Variants in ANKUB1 observed in about 807,000 individuals in gnomAD.
The protein encoded by ANKUB1 is protein ANKUB1.
Under a neutral mutation model 49.3 loss-of-function variants are expected in ANKUB1, and 42 were observed. The observed-to-expected ratio is 0.85, with a 90% CI of 0.67 to 1.10. ANKUB1 has a LOEUF of 1.10. Ranked by LOEUF, ANKUB1 falls within the 50% of genes least tolerant of loss-of-function variation. The pLI is 0.00. For missense variants in ANKUB1, 613 were observed against 642.0 expected (o/e 0.95, Z 0.49); for synonymous variants, 222 against 231.0 (o/e 0.96, Z 0.35).
At chr3:149,768,487 CAA>C (rs762978344) in intron 4 of ANKUB1, among the ~76,000 whole-genome samples, 8 of 152,156 alleles carry the variant, frequency 5.3e-5, no homozygotes, top group Non-Finnish European at 1.0e-4. Context: ...TAAATTGTTA[CAA>C]TTCAATACCC....
chr3:149,790,533 C>A (rs751415969), intron 2 of ANKUB1, among the ~76,000 whole-genome samples: 1 of 152,064 alleles, frequency 6.6e-6, no homozygotes, highest in Non-Finnish European at 1.5e-5. Context: ...CAGGACTGGG[C>A]AGGCAATAAA....
intron 4 of ANKUB1, among the ~76,000 whole-genome samples, chr3:149,768,571 TTG>T (rs1717176805): frequency 7.0e-6 from 1 of 142,388 alleles, no homozygotes; most frequent in African/African-American, 2.5e-5. Flanking sequence ...AGACAGAGTC[TTG>T]CTCTGTTGCT....
intron 4 of ANKUB1, among the ~76,000 whole-genome samples, chr3:149,770,172 G>T (rs988696516): frequency 4.6e-5 from 7 of 152,004 alleles, no homozygotes; most frequent in African/African-American, 1.7e-4. Context: ...TATACACAAC[G>T]TGTTAATTGA....
At chr3:149,787,446 T>G (rs1273808333) in intron 2 of ANKUB1, among the ~76,000 whole-genome samples, 1 of 152,218 alleles carries the variant, frequency 6.6e-6, no homozygotes, top group African/African-American at 2.4e-5. Context: ...CTGAAGTTGC[T>G]TATTAGCTTA....
At position 149,790,964 on chromosome 3, in the gene ANKUB1, T is replaced by C. The variant is rs986040439; in HGVS notation, c.91-40A>G. 8 of 1,528,590 alleles carry C rather than the reference T, an allele frequency of 5.2e-6. No individual in the cohort carries two copies. The African/African-American group carries it at 1.1e-4, about 21-fold the overall frequency. 94.7% of individuals were successfully genotyped at this position (1,528,590 alleles called of 1,614,324 possible). On this transcript the variant is annotated intron_variant, in intron 1 of 5. Coordinates refer to ENST00000446160, the MANE Select transcript of ANKUB1 (RefSeq NM_001144960.3). ...GCATATTATGAAAACAGTACATCCT[T>C]ACGTTACTAGACCAGAAATGTACTC...
chr3:149,765,548 G>GCACA (rs59155543), intron 5 of ANKUB1, among the ~76,000 whole-genome samples: 70 of 147,628 alleles, frequency 4.7e-4, no homozygotes, highest in African/African-American at 1.4e-3. Context: ...ACACACACAT[G>GCACA]CACACACACA....
chr3:149,767,562 T>C lies in ANKUB1; in HGVS notation c.1100A>G (p.Asn367Ser). ...MTSKSWHKAG[N>S]SDSQSIVLKL... ...GAGCACGATGCTTTGTGAGTCGCTGTTCCCAGCCTTATGCCAGCTCTTGGA... is the reference window on the plus strand; with the variant it reads ...GAGCACGATGCTTTGTGAGTCGCTGCTCCCAGCCTTATGCCAGCTCTTGGA... The change falls in exon 5 of 6, where the codon AAC (asparagine) becomes AGC (serine). Residue 367 changes from asparagine (N) to serine (S), a missense_variant. By Grantham distance (46) the Asn-to-Ser change is conservative. Coordinates refer to ENST00000446160, the MANE Select transcript of ANKUB1 (RefSeq NM_001144960.3). The C allele has an allele frequency of 6.4e-7, 1 of 1,551,716 alleles. No homozygotes were observed.
In ANKUB1 at chr3:149,772,359, C is replaced by A. The variant is rs192835307; in HGVS notation, c.452-1685G>T. Among the ~76,000 whole-genome samples the A allele has an allele frequency of 8.1e-4, 124 of 152,256 alleles. 1 individual carries two copies. The highest frequency in any genetic ancestry group is 6.6e-3 in the Admixed American group (101 of 15,298). ...TTCATGTCCTACATCTAAACGGTTG[C>A]TTAGGCCTGACAGGTTTACCTGATC... On this transcript the variant is annotated intron_variant, in intron 3 of 5. Transcript: ENST00000446160.
At chr3:149,771,098 C>T (rs1717339153) in intron 3 of ANKUB1, among the ~76,000 whole-genome samples, 1 of 152,214 alleles carries the variant, frequency 6.6e-6, no homozygotes. Context: ...AAGATGCTCA[C>T]CAGCTAATTT....
chr3:149,779,239 A>C (rs1459445969), intron 3 of ANKUB1: 1 of 147,444 alleles, frequency 6.8e-6, no homozygotes, highest in Non-Finnish European at 1.5e-5. Flanking sequence ...CAGTGGTGTG[A>C]TCATAGCTCA....
chr3:149,774,849 C>T (rs1162051935), intron 3 of ANKUB1, among the ~76,000 whole-genome samples: 1 of 152,148 alleles, frequency 6.6e-6, no homozygotes, highest in Non-Finnish European at 1.5e-5. Flanking sequence ...ATGTTAAATT[C>T]CTTCATAAGC....
At chr3:149,777,216 G>T (rs527695962) in intron 3 of ANKUB1, among the ~76,000 whole-genome samples, 1 of 152,134 alleles carries the variant, frequency 6.6e-6, no homozygotes, top group South Asian at 2.1e-4. Flanking sequence ...GCTCACGCCT[G>T]TAATCCCAGC....
In ANKUB1 at chr3:149,761,212, C is replaced by T. The variant is rs1000179838; in HGVS notation, c.*272G>A. On this transcript the variant is annotated 3_prime_UTR_variant, in exon 6 of 6. Coordinates refer to ENST00000446160, the MANE Select transcript of ANKUB1 (RefSeq NM_001144960.3). ...TAAAAATTCCCACTTCCTTGTTTTC[C>T]ATTGTCTCAGCTCCCCTACCCTGTG... is the stretch of plus-strand genomic sequence containing the variant. The T allele has an allele frequency of 2.0e-5, 5 of 246,608 alleles. No homozygotes were observed. Among genetic ancestry groups the T allele is most frequent in the Admixed American group, 5.4e-5 (1 of 18,462 alleles). The allele number at this position is 246,608 out of a possible 1,614,324, so 15.3% of individuals were successfully genotyped here. A position where few individuals can be genotyped will look rare whatever the true frequency, so the allele number is the denominator to read the frequency against.
At position 149,770,611 on chromosome 3, in the gene ANKUB1, C is replaced by G. The variant is rs1717308585; in HGVS notation, c.515G>C (p.Gly172Ala). 1 of 1,550,076 alleles carries G rather than the reference C, an allele frequency of 6.5e-7. No homozygotes were observed. The highest frequency in any genetic ancestry group is 8.7e-7 in the Non-Finnish European group (1 of 1,146,380). Residue 172 changes from glycine to alanine, a missense_variant, in exon 4 of 6, where the codon GGA becomes GCA. Physicochemically the swap from Gly to Ala is moderately conservative, Grantham distance 60. Coordinates refer to ENST00000446160, the MANE Select transcript of ANKUB1 (RefSeq NM_001144960.3). ...WKEFLMGCLL[G>A]QKLKVQRYLS... is the part of the protein sequence containing the mutation. ...GTAGCGTTGGACTTTAAGTTTTTGTCCAAGGAGACAACCCATCAGAAATTC... is the reference window on the plus strand; with the variant it reads ...GTAGCGTTGGACTTTAAGTTTTTGTGCAAGGAGACAACCCATCAGAAATTC...
chr3:149,770,622 A>G lies in ANKUB1; in HGVS notation c.504T>C (p.Gly168=), dbSNP rs1343168195. 1.3e-6 allele frequency: 2 copies of G among 1,550,188 alleles called. No individual in the cohort carries two copies. Among genetic ancestry groups the G allele is most frequent in the Admixed American group, 2.0e-5 (1 of 50,738 alleles). The part of the protein sequence containing the change: ...VWDGWKEFLM[G]CLLGQKLKVQ... ...CTTTAAGTTTTTGTCCAAGGAGACAACCCATCAGAAATTCCTTCCATCCAT... is the reference window on the plus strand; with the variant it reads ...CTTTAAGTTTTTGTCCAAGGAGACAGCCCATCAGAAATTCCTTCCATCCAT... Residue 168 remains glycine (G), a synonymous_variant, in exon 4 of 6, where the codon GGT becomes GGC. Coordinates refer to ENST00000446160, the MANE Select transcript of ANKUB1 (RefSeq NM_001144960.3).
Position 149,792,425 on chromosome 3 carries a change from G to T in ANKUB1, c.-59C>A. The T allele has an allele frequency of 3.0e-6, 4 of 1,337,184 alleles. No individual in the cohort carries two copies. Among genetic ancestry groups the T allele is most frequent in the Non-Finnish European group, 4.0e-6 (4 of 1,005,300 alleles). 82.8% of individuals were successfully genotyped at this position (1,337,184 alleles called of 1,614,324 possible). ...ACTTTTTCAAAGATTCTCCTGGATG[G>T]CTAGAAAAATTCCGGTTCACAATTA... On this transcript the variant is annotated 5_prime_UTR_variant, in exon 1 of 6. Transcript: ENST00000446160.
Position 149,780,260 on chromosome 3 carries a change from T to G in ANKUB1, c.430A>C (p.Lys144Gln). 1 of 1,551,730 alleles carries G rather than the reference T, an allele frequency of 6.4e-7. No individual in the cohort carries two copies. The highest frequency in any genetic ancestry group is 8.7e-7 in the Non-Finnish European group (1 of 1,146,994). ...GLEMYDCNTL[K>Q]DYQTDIGTTL... Reference sequence around the variant, plus strand: ...GTACCAATATCAGTCTGGTAGTCCTTGAGGGTGTTGCAATCATACATCTCC... The same window carrying G: ...GTACCAATATCAGTCTGGTAGTCCTGGAGGGTGTTGCAATCATACATCTCC... The change falls in exon 3 of 6, where the codon AAG (lysine) becomes CAG (glutamine). Residue 144 changes from lysine to glutamine, a missense_variant. Lys to Gln is a moderately conservative substitution (Grantham distance 53). Coordinates refer to ENST00000446160, the MANE Select transcript of ANKUB1 (RefSeq NM_001144960.3).
intron 5 of ANKUB1, among the ~76,000 whole-genome samples, chr3:149,762,754 A>G (rs1576664860): frequency 6.6e-6 from 1 of 152,222 alleles, no homozygotes; most frequent in East Asian, 1.9e-4. Context: ...TGGAAGGGGG[A>G]ATAAGAAGCA....
intron 3 of ANKUB1, among the ~76,000 whole-genome samples, chr3:149,774,015 G>A (rs947793742): frequency 1.3e-5 from 2 of 152,096 alleles, no homozygotes; most frequent in Non-Finnish European, 2.9e-5. Flanking sequence ...AAAAGATGTA[G>A]GTCAGTAACT....
Sources: gnomAD v4.1 joint callset for allele counts (sites outside exome capture counted in the v4.1 genomes callset) on GRCh38, gnomAD v4.1.1 for gene constraint, MANE v1.5 for transcripts, NCBI Gene and HGNC (gene_info 2026-07-23, HGNC 2026-07-21) for gene names.